The following MDM4 variants were observed in gnomAD, a reference collection of about 807,000 sequenced individuals.
The protein encoded by MDM4 is protein Mdm4.
MDM4 carries 2 observed loss-of-function variants against 60.2 expected under a neutral mutation model. The observed-to-expected ratio is 0.03, with a 90% CI of 0.01 to 0.10. The LOEUF (loss-of-function observed/expected upper bound fraction) is 0.10. MDM4 is among the 10% of genes least tolerant of loss of function. The probability of loss-of-function intolerance (pLI) is 1.00; values close to 1 mark genes in which losing one functional copy is unlikely to be tolerated. For missense variants in MDM4, 447 were observed against 577.5 expected (o/e 0.77, Z 2.32); for synonymous variants, 202 against 198.1 (o/e 1.02, Z -0.17).
chr1:204,548,190 C>A (rs1412758166), intron 10 of MDM4, among the ~76,000 whole-genome samples: 1 of 152,244 alleles, frequency 6.6e-6, no homozygotes, highest in Non-Finnish European at 1.5e-5. Flanking sequence ...CACCATCACT[C>A]ATGAATTCCA....
rs755151417 is a variant in MDM4, at chr1:204,544,636, T to A, written c.774T>A (p.Ala258=). The A allele has an allele frequency of 1.2e-6, 2 of 1,613,832 alleles. No individual in the cohort carries two copies. The highest frequency in any genetic ancestry group is 1.7e-6 in the Non-Finnish European group (2 of 1,179,826). Residue 258 remains alanine, a synonymous_variant, in exon 9 of 11, where the codon GCT becomes GCA. Transcript: ENST00000367182. The part of the protein sequence containing the change: ...QLGVGIKVEA[A]DTEQTSEEVG... ...GTGTTGGAATAAAAGTTGAAGCTGC[T>A]GATACTGAACAAACAAGTGAAGAAG...
chr1:204,557,791 A>G lies in MDM4; in HGVS notation c.*8109A>G. On this transcript the variant is annotated 3_prime_UTR_variant, in exon 11 of 11. Transcript: ENST00000367182. ...ACATGAAATTTTCCAAATATTTCCG[A>G]TCAGAGAATCACAAGAGCAGCAAAT... The G allele has an allele frequency of 5.3e-6, 1 of 188,892 alleles. No individual in the cohort carries two copies. Among genetic ancestry groups the G allele is most frequent in the Non-Finnish European group, 1.1e-5 (1 of 89,752 alleles). 11.7% of individuals were successfully genotyped at this position (188,892 alleles called of 1,614,324 possible).
At chr1:204,516,613 T>G (rs1401787335) in intron 1 of MDM4, 104 bp downstream of exon 1, 1 of 151,456 alleles carries the variant, frequency 6.6e-6, no homozygotes, top group Non-Finnish European at 1.5e-5. Flanking sequence ...CGGGAGGAGC[T>G]TGAGAGGTGG....
chr1:204,538,198 CCTT>C lies in MDM4; in HGVS notation c.412-7_412-5del, dbSNP rs1470846629. On this transcript the variant is annotated splice_region_variant and splice_polypyrimidine_tract_variant and intron_variant, in intron 6 of 10. Coordinates refer to ENST00000367182, the MANE Select transcript of MDM4 (RefSeq NM_002393.5). ...TCTACTGCACTGATGGACACCTTTC[CCTT>C]CTTTCAGCAAAGTGCAGAGGAAAGT... 5.2e-6 allele frequency: 8 copies of C among 1,533,478 alleles called. No homozygotes were observed. Among genetic ancestry groups the C allele is most frequent in the East Asian group, 2.2e-5 (1 of 44,524 alleles). 95.0% of individuals were successfully genotyped at this position (1,533,478 alleles called of 1,614,324 possible).
Position 204,551,009 on chromosome 1 carries a change from C to G in MDM4, c.*1327C>G. The G allele has an allele frequency of 5.4e-6, 1 of 186,120 alleles. No individual in the cohort carries two copies. The highest frequency in any genetic ancestry group is 8.6e-5 in the East Asian group (1 of 11,576). 11.5% of individuals were successfully genotyped at this position (186,120 alleles called of 1,614,324 possible). On this transcript the variant is annotated 3_prime_UTR_variant, in exon 11 of 11. Transcript: ENST00000367182. ...CAGATAAACACACAAACATACTTCT[C>G]TGGCACAGCCTTCAGAAGCATCAGT... is the stretch of plus-strand genomic sequence containing the variant.
rs4252728 is a variant in MDM4, at chr1:204,544,876, AG to A, written c.822+193del. ...AGGGCTGCCTTAAAAGCCCCTACTT[AG>A]TCAAAAGCAGTAAGCTACTCTTTTT... On this transcript the variant is annotated intron_variant, in intron 9 of 10. Coordinates refer to ENST00000367182, the MANE Select transcript of MDM4 (RefSeq NM_002393.5). Among the ~76,000 whole-genome samples, 383 of 152,296 alleles carry A rather than the reference AG, an allele frequency of 2.5e-3. 1 individual carries two copies. Among genetic ancestry groups the A allele is most frequent in the African/African-American group, 8.4e-3 (350 of 41,582 alleles).
At chr1:204,536,389 T>C (rs767911085) in intron 5 of MDM4, among the ~76,000 whole-genome samples, 1 of 152,256 alleles carries the variant, frequency 6.6e-6, no homozygotes, top group Non-Finnish European at 1.5e-5. Context: ...GGAAATAATG[T>C]TTTTTATAAT....
intron 9 of MDM4, 48 bp from the exon 10 acceptor site, chr1:204,546,749 C>T: frequency 3.9e-6 from 5 of 1,268,344 alleles, no homozygotes; most frequent in Non-Finnish European, 5.7e-6. Context: ...TAATTAGCCT[C>T]ATCTAAAACA....
rs571455845 is a variant in MDM4, at chr1:204,555,022, A to G, written c.*5340A>G. 4.5e-6 allele frequency: 1 copy of G among 219,872 alleles called. No homozygotes were observed. The highest frequency in any genetic ancestry group is 5.8e-5 in the Admixed American group (1 of 17,338). 13.6% of individuals were successfully genotyped at this position (219,872 alleles called of 1,614,324 possible). On this transcript the variant is annotated 3_prime_UTR_variant, in exon 11 of 11. Coordinates refer to ENST00000367182, the MANE Select transcript of MDM4 (RefSeq NM_002393.5). ...TTAACAGAGAAAGAGGCATGTCTGCAGAAAGAGATAGCTAATATTTTTTGG... is the reference window on the plus strand; with the variant it reads ...TTAACAGAGAAAGAGGCATGTCTGCGGAAAGAGATAGCTAATATTTTTTGG...
At chr1:204,546,969 C>T in intron 10 of MDM4, 92 bp downstream of exon 10, 1 of 712,938 alleles carries the variant, frequency 1.4e-6, no homozygotes, top group Non-Finnish European at 2.4e-6. Context: ...GTGCTGTTTA[C>T]CCCTCATTTC....
intron 9 of MDM4, among the ~76,000 whole-genome samples, chr1:204,545,974 A>G (rs1001083350): frequency 8.5e-5 from 13 of 152,120 alleles, no homozygotes; most frequent in African/African-American, 2.7e-4. Context: ...TAAATTCTAA[A>G]TTTTAAAATT....
In MDM4 at chr1:204,538,212, A is replaced by G. The variant is rs779925757; in HGVS notation, c.415A>G (p.Ser139Gly). The change falls in exon 7 of 11, where the codon AGT becomes GGT. Residue 139 changes from serine to glycine, a missense_variant. Physicochemically the swap from Ser to Gly is moderately conservative, Grantham distance 56. Around this residue, in one of 8 missense-constraint regions of MDM4, gnomAD observed 184 missense variants for 179.3 expected, o/e 1.03. Transcript: ENST00000367182. The stretch of plus-strand genomic sequence containing the variant: ...GGACACCTTTCCCTTCTTTCAGCAA[A>G]GTGCAGAGGAAAGTTCCACTTCCAG... ...DIPSQDQLKQ[S>G]AEESSTSRKR... 35 of 1,591,042 alleles carry G rather than the reference A, an allele frequency of 2.2e-5. No homozygotes were observed. Among genetic ancestry groups the G allele is most frequent in the Non-Finnish European group, 2.9e-5 (34 of 1,159,410 alleles).
intron 10 of MDM4, among the ~76,000 whole-genome samples, chr1:204,547,506 G>A (rs1044605552): frequency 1.3e-5 from 2 of 152,148 alleles, no homozygotes; most frequent in Non-Finnish European, 2.9e-5. Flanking sequence ...AAAAAGGTTG[G>A]TGGAGGAAGG....
At chr1:204,546,410 C>G (rs929609607) in intron 9 of MDM4, among the ~76,000 whole-genome samples, 4 of 152,058 alleles carry the variant, frequency 2.6e-5, no homozygotes, top group African/African-American at 9.7e-5. Context: ...GCTCTGTTGC[C>G]TAGGCCAGTT....
At chr1:204,525,627 G>GT in intron 2 of MDM4, 31 bp downstream of exon 2, 2 of 1,409,948 alleles carry the variant, frequency 1.4e-6, no homozygotes, top group Non-Finnish European at 1.9e-6. Context: ...CTAGTTTTTT[G>GT]GTTTTTTTTT....
intron 7 of MDM4, among the ~76,000 whole-genome samples, chr1:204,539,926 A>AATTATTTAAAAT (rs1486464410): frequency 2.6e-5 from 4 of 152,160 alleles, no homozygotes; most frequent in Non-Finnish European, 5.9e-5. Flanking sequence ...TCATGCACGG[A>AATTATTTAAAAT]ATTATTTAAA....
chr1:204,544,190 T>TA (rs1410383595), intron 8 of MDM4, among the ~76,000 whole-genome samples: 1 of 152,242 alleles, frequency 6.6e-6, no homozygotes, highest in Non-Finnish European at 1.5e-5. Flanking sequence ...TGTAGCTTCT[T>TA]AGAGTGTCAC....
chr1:204,525,461 T>C lies in MDM4; in HGVS notation c.-35-23T>C, dbSNP rs909650232. 23 of 1,561,040 alleles carry C rather than the reference T, an allele frequency of 1.5e-5. No individual in the cohort carries two copies. The African/African-American group carries it at 2.5e-4, about 17-fold the overall frequency. On this transcript the variant is annotated intron_variant, in intron 1 of 10. Coordinates refer to ENST00000367182, the MANE Select transcript of MDM4 (RefSeq NM_002393.5). ...GAATTTTCTGCATTAGAATAGATGT[T>C]ATAAATTTTTTTTTCTATTTAGTTT... is the stretch of plus-strand genomic sequence containing the variant.
chr1:204,540,788 T>C (rs1353112894), intron 7 of MDM4, among the ~76,000 whole-genome samples: 1 of 151,998 alleles, frequency 6.6e-6, no homozygotes, highest in African/African-American at 2.4e-5. Context: ...AAAAACACTT[T>C]CTAAAATTAG....
Sources: allele counts gnomAD v4.1 joint callset (sites outside exome capture counted in the v4.1 genomes callset), GRCh38; gene constraint gnomAD v4.1.1; regional missense constraint gnomAD v4.1.1; transcripts MANE v1.5; gene names NCBI Gene and HGNC (gene_info 2026-07-23, HGNC 2026-07-21).